Variants in FBN1 observed in about 807,000 individuals in gnomAD.
FBN1 encodes the protein fibrillin 1.
A neutral mutation model predicts 365.1 loss-of-function variants in FBN1; 29 were observed. The ratio of observed to expected loss-of-function variants is 0.08; its 90% CI spans 0.06 to 0.11. The LOEUF (loss-of-function observed/expected upper bound fraction) is 0.11. Among genes scored for constraint, FBN1 ranks in the 10% least tolerant of loss-of-function variants. FBN1 has a pLI of 1.00. For missense variants in FBN1, 2,476 were observed against 3,703.2 expected (o/e 0.67, Z 8.60); for synonymous variants, 1,210 against 1,270.5 (o/e 0.95, Z 1.01).
At chr15:48,637,196 A>C (rs1597648046) in intron 2 of FBN1, among the ~76,000 whole-genome samples, 1 of 151,552 alleles carries the variant, frequency 6.6e-6, no homozygotes, top group East Asian at 1.9e-4. Context: ...TCTCACTGTG[A>C]CTCCTATATT....
intron 6 of FBN1, among the ~76,000 whole-genome samples, chr15:48,545,632 G>A (rs1278641028): frequency 2.0e-5 from 3 of 152,082 alleles, no homozygotes; most frequent in African/African-American, 7.2e-5. Context: ...GGGTGACAAG[G>A]TGCACAACAA....
intron 10 of FBN1, among the ~76,000 whole-genome samples, chr15:48,519,422 G>A (rs576113123): frequency 1.3e-5 from 2 of 152,334 alleles, no homozygotes; most frequent in East Asian, 3.9e-4. Context: ...TGAGAAATAT[G>A]AGACTACAAT....
rs2042935085 is a variant in FBN1 at position 48,420,801 on chromosome 15, C to T, written c.7705G>A (p.Asp2569Asn). The T allele has an allele frequency of 6.2e-7, 1 of 1,613,898 alleles. No individual in the cohort carries two copies. The highest frequency in any genetic ancestry group is 8.5e-7 in the Non-Finnish European group (1 of 1,179,988). The stretch of plus-strand genomic sequence containing the variant: ...CAGCGGTGGTTACCCTCACACTCGT[C>T]CACGTCTGAAAAAGAAGCAGAGCCA... ...DQTGSSCEDVDECEGNHRCQH... is the reference protein window; with the variant it reads ...DQTGSSCEDVNECEGNHRCQH... Residue 2569 changes from aspartate to asparagine, a missense_variant, in exon 63 of 66, where the codon GAC (aspartate) becomes AAC (asparagine). By Grantham distance (23) the Asp-to-Asn change is conservative. Around this residue, in one of 5 missense-constraint regions of FBN1, gnomAD observed 1,780 missense variants for 2,840.8 expected, o/e 0.63. Coordinates refer to ENST00000316623, the MANE Select transcript of FBN1 (RefSeq NM_000138.5).
At chr15:48,474,738 C>T (rs2043406406) in intron 32 of FBN1, 88 bp from the exon 33 acceptor site, 1 of 1,551,842 alleles carries the variant, frequency 6.4e-7, no homozygotes, top group African/African-American at 1.4e-5. Context: ...GTTGACTTGC[C>T]TTCAAACTTC....
intron 9 of FBN1, among the ~76,000 whole-genome samples, chr15:48,524,728 T>C (rs545373274): frequency 2.0e-5 from 3 of 152,134 alleles, no homozygotes; most frequent in Non-Finnish European, 4.4e-5. Context: ...ACTTAAACTA[T>C]TGGGCCATTA....
Position 48,516,360 on chromosome 15 carries a change from C to T in FBN1, c.1150G>A (p.Asp384Asn), listed in dbSNP as rs1405173549. ...GGAACAGAGCACAGCTTGTTGAAAT[C>T]CTCTAGAAAAACACAACAAAACAAA... ...PEMCPIRATEDFNKLCSVPMV... is the reference protein window; with the variant it reads ...PEMCPIRATENFNKLCSVPMV... Residue 384 changes from aspartate to asparagine, a missense_variant and splice_region_variant, in exon 11 of 66, where the codon GAT (aspartate) becomes AAT (asparagine). Around this residue, in one of 5 missense-constraint regions of FBN1, gnomAD observed 421 missense variants for 520.1 expected, o/e 0.81. Coordinates refer to ENST00000316623, the MANE Select transcript of FBN1 (RefSeq NM_000138.5). 4 of 1,613,420 alleles carry T rather than the reference C, an allele frequency of 2.5e-6. No homozygotes were observed. Among genetic ancestry groups the T allele is most frequent in the Non-Finnish European group, 3.4e-6 (4 of 1,179,846 alleles).
Position 48,472,540 on chromosome 15 carries a change from C to T in FBN1, c.4336+11G>A, listed in dbSNP as rs886051249. On this transcript the variant is annotated intron_variant, in intron 35 of 65. Transcript: ENST00000316623. ...CCCAGCAAGGCTCCCAGTGGCTTCC[C>T]CATCAGTTACCTTCACAGGCTTTCC... 1 of 1,613,974 alleles carries T rather than the reference C, an allele frequency of 6.2e-7. No individual in the cohort carries two copies. Among genetic ancestry groups the T allele is most frequent in the Non-Finnish European group, 8.5e-7 (1 of 1,180,018 alleles).
chr15:48,551,847 T>C (rs2044144659), intron 6 of FBN1, among the ~76,000 whole-genome samples: 1 of 152,210 alleles, frequency 6.6e-6, no homozygotes, highest in Admixed American at 6.5e-5. Context: ...AAGTTCCCTT[T>C]TATGGCTGTA....
chr15:48,423,797 AC>A (rs2042959993), intron 60 of FBN1, among the ~76,000 whole-genome samples: 1 of 152,216 alleles, frequency 6.6e-6, no homozygotes, highest in South Asian at 2.1e-4. Flanking sequence ...AGTTATATAT[AC>A]CAAGTAAGTG....
chr15:48,532,245 C>T (rs1418601966), intron 8 of FBN1, among the ~76,000 whole-genome samples: 1 of 152,156 alleles, frequency 6.6e-6, no homozygotes. Flanking sequence ...GAAAACAAAA[C>T]ACAGACTGGA....
intron 50 of FBN1, among the ~76,000 whole-genome samples, chr15:48,438,982 C>A (rs1036288162): frequency 5.9e-5 from 9 of 152,208 alleles, no homozygotes; most frequent in African/African-American, 2.2e-4. Flanking sequence ...TTCTTTATAT[C>A]TGACCACCTC....
At chr15:48,424,522 G>A (rs906428379) in intron 60 of FBN1, among the ~76,000 whole-genome samples, 11 of 152,114 alleles carry the variant, frequency 7.2e-5, no homozygotes, top group Non-Finnish European at 1.6e-4. Context: ...CCAAGTAAGT[G>A]GAAGAACTTA....
chr15:48,499,136 G>A lies in FBN1; in HGVS notation c.2114-98C>T, dbSNP rs1210350466. ...CACATCATTTCCTCCAAAGTGAGTA[G>A]AACCAAACTTAAGTGGTAACGGAAA... is the stretch of plus-strand genomic sequence containing the variant. On this transcript the variant is annotated intron_variant, in intron 17 of 65. Transcript: ENST00000316623. 1.0e-5 allele frequency: 12 copies of A among 1,204,214 alleles called. No homozygotes were observed. The Admixed American group carries it at 1.4e-4, about 14-fold the overall frequency. 74.6% of individuals were successfully genotyped at this position (1,204,214 alleles called of 1,614,324 possible). A position where few individuals can be genotyped will look rare whatever the true frequency, so the allele number is the denominator to read the frequency against.
intron 2 of FBN1, among the ~76,000 whole-genome samples, chr15:48,617,266 C>T (rs894195741): frequency 6.6e-6 from 1 of 152,026 alleles, no homozygotes; most frequent in African/African-American, 2.4e-5. Context: ...CCTCCGCCTC[C>T]CGGGTTCGAT....
intron 4 of FBN1, among the ~76,000 whole-genome samples, chr15:48,601,159 GCTGACAGCCT>G (rs2140719906): frequency 6.6e-6 from 1 of 152,296 alleles, no homozygotes; most frequent in South Asian, 2.1e-4. Flanking sequence ...AAGACCATGG[GCTGACAGCCT>G]TAGACCCCAG....
chr15:48,420,581 G>T, intron 63 of FBN1, 106 bp downstream of exon 63: 1 of 1,456,548 alleles, frequency 6.9e-7, no homozygotes. Context: ...TTTTAAATGA[G>T]TATTTGTTGC....
At position 48,503,910 on chromosome 15, in the gene FBN1, C is replaced by G; in HGVS notation, c.1990G>C (p.Gly664Arg). 1.2e-6 allele frequency: 2 copies of G among 1,614,222 alleles called. No individual in the cohort carries two copies. Among genetic ancestry groups the G allele is most frequent in the Non-Finnish European group, 1.7e-6 (2 of 1,180,042 alleles). ...TTGATACACTGGCCTCTCTTGTATCCACCATAGCATGTGCTCCGCATGTGT... is the reference window on the plus strand; with the variant it reads ...TTGATACACTGGCCTCTCTTGTATCGACCATAGCATGTGCTCCGCATGTGT... The part of the protein sequence containing the change: ...DTHMRSTCYG[G>R]YKRGQCIKPL... The change falls in exon 17 of 66, where the codon GGA (glycine) becomes CGA (arginine). Residue 664 changes from glycine to arginine, a missense_variant. Physicochemically the swap from Gly to Arg is moderately radical, Grantham distance 125. This residue lies in a region of FBN1 where 1,780 missense variants were observed against 2,840.8 expected (regional missense o/e 0.63). Coordinates refer to ENST00000316623, the MANE Select transcript of FBN1 (RefSeq NM_000138.5).
chr15:48,557,659 G>A (rs536546531), intron 6 of FBN1, among the ~76,000 whole-genome samples: 6 of 152,262 alleles, frequency 3.9e-5, no homozygotes, highest in East Asian at 1.9e-4. Context: ...GGCAAGATAG[G>A]TCCAGGTTGG....
chr15:48,455,741 G>GT (rs2043233479), intron 44 of FBN1, among the ~76,000 whole-genome samples: 1 of 152,204 alleles, frequency 6.6e-6, no homozygotes, highest in Non-Finnish European at 1.5e-5. Context: ...CTTGGACACA[G>GT]TAACTGAAAG....
Sources: allele counts gnomAD v4.1 joint callset (sites outside exome capture counted in the v4.1 genomes callset), GRCh38; gene constraint gnomAD v4.1.1; regional missense constraint gnomAD v4.1.1; transcripts MANE v1.5; gene names NCBI Gene and HGNC (gene_info 2026-07-23, HGNC 2026-07-21).